ARL6IP5: variants seen among roughly 807,000 people sequenced by gnomAD.
ARL6IP5 encodes PRA1 family protein 3.
Under a neutral mutation model 13.0 loss-of-function variants are expected in ARL6IP5, and 6 were observed. That is an observed-to-expected ratio of 0.46 (90% CI 0.25 to 0.91). The LOEUF is 0.91. ARL6IP5 is among the 40% of genes least tolerant of loss of function. The pLI, the probability that ARL6IP5 is intolerant of heterozygous loss-of-function variation, is 0.17. For synonymous variants in ARL6IP5, 91 were observed against 91.9 expected, an observed-to-expected ratio of 0.99 and a Z score of 0.06; for missense variants, 208 against 248.8, an observed-to-expected ratio of 0.84 and a Z score of 1.10.
chr3:69,089,881 C>T, intron 1 of ARL6IP5: 1 of 456,464 alleles, frequency 2.2e-6, no homozygotes, highest in South Asian at 1.6e-5. Flanking sequence ...CACCATGTGG[C>T]CTGATCATTT....
rs776971786 is a variant in ARL6IP5 at position 69,104,925 on chromosome 3, T to C, written c.*289T>C. ...ATTTCTTTAAGGGAATTAAAAAAAA[T>C]AAAAGAATTACGGCTTTTACAGCAA... On this transcript the variant is annotated 3_prime_UTR_variant, in exon 3 of 3. Transcript: ENST00000273258. 18 of 692,334 alleles carry C rather than the reference T, an allele frequency of 2.6e-5. No individual in the cohort carries two copies. The highest frequency in any genetic ancestry group is 4.2e-5 in the Non-Finnish European group (16 of 382,360). The allele number at this position is 692,334 out of a possible 1,614,324, so 42.9% of individuals were successfully genotyped here. A position where few individuals can be genotyped will look rare whatever the true frequency, so the allele number is the denominator to read the frequency against.
chr3:69,104,800 CAG>C lies in ARL6IP5; in HGVS notation c.*170_*171del, dbSNP rs1179299430. ...CGAACTATTATCAGCTCTGATGTTT[CAG>C]AGAGAAGACCTCAGAAACCGAAAGA... On this transcript the variant is annotated 3_prime_UTR_variant, in exon 3 of 3. Transcript: ENST00000273258. 6.1e-6 allele frequency: 5 copies of C among 819,498 alleles called. No homozygotes were observed. The Admixed American group carries it at 6.2e-5, about 10-fold the overall frequency. The allele number at this position is 819,498 out of a possible 1,614,324, so 50.8% of individuals were successfully genotyped here.
intron 1 of ARL6IP5, among the ~76,000 whole-genome samples, chr3:69,094,274 G>A (rs932206649): frequency 6.6e-6 from 1 of 152,044 alleles, no homozygotes; most frequent in African/African-American, 2.4e-5. Context: ...CCAAATTTTG[G>A]CCTTGGCTTG....
At chr3:69,102,140 T>C in intron 2 of ARL6IP5, 84 bp downstream of exon 2, 7 of 1,438,062 alleles carry the variant, frequency 4.9e-6, no homozygotes, top group East Asian at 2.3e-5. Context: ...CCATTTCTTA[T>C]ATGTGTTGGC....
rs531135478 is a variant in ARL6IP5 at position 69,102,552 on chromosome 3, G to A, written c.394+496G>A. ...TGGGATTACAGGCGTGAGCCACTTC[G>A]CCCAGCTGTGTGCCATACATTCTTA... On this transcript the variant is annotated intron_variant, in intron 2 of 2. Transcript: ENST00000273258. 2.6e-5 allele frequency among the ~76,000 whole-genome samples: 4 copies of A among 152,194 alleles called. No homozygotes were observed. In the South Asian group the frequency reaches 8.3e-4, roughly 32 times the overall value.
intron 1 of ARL6IP5, among the ~76,000 whole-genome samples, chr3:69,096,409 A>G (rs929028910): frequency 1.3e-5 from 2 of 152,068 alleles, no homozygotes; most frequent in East Asian, 3.9e-4. Flanking sequence ...CTTGACATGA[A>G]TTTTGTTATA....
intron 1 of ARL6IP5, among the ~76,000 whole-genome samples, chr3:69,091,979 T>C (rs2107511526): frequency 6.6e-6 from 1 of 152,312 alleles, no homozygotes; most frequent in East Asian, 1.9e-4. Flanking sequence ...ATCACTCAGC[T>C]TCAGAAAACT....
chr3:69,089,468 G>C (rs1575858023), intron 1 of ARL6IP5, among the ~76,000 whole-genome samples: 3 of 152,118 alleles, frequency 2.0e-5, no homozygotes, highest in Admixed American at 2.0e-4. Flanking sequence ...CTGCATCCCT[G>C]ACTCTTACAA....
intron 1 of ARL6IP5, among the ~76,000 whole-genome samples, chr3:69,099,545 T>C (rs1022143885): frequency 2.2e-4 from 34 of 152,342 alleles, no homozygotes; most frequent in Admixed American, 2.0e-3. Context: ...TCAAAATTCC[T>C]TTTATGTTTC....
chr3:69,105,133 T>C lies in ARL6IP5; in HGVS notation c.*497T>C. The C allele has an allele frequency of 6.9e-6, 3 of 433,504 alleles. No individual in the cohort carries two copies. The South Asian group carries it at 9.9e-5, about 14-fold the overall frequency. The allele number at this position is 433,504 out of a possible 1,614,324, so 26.9% of individuals were successfully genotyped here. On this transcript the variant is annotated 3_prime_UTR_variant, in exon 3 of 3. Transcript: ENST00000273258. The stretch of plus-strand genomic sequence containing the variant: ...TCTTAAAAATCAAAGATGATCTCTA[T>C]CACTTTGCCACCTGTTTGATGTGCA...
At chr3:69,095,522 C>T (rs994104871) in intron 1 of ARL6IP5, among the ~76,000 whole-genome samples, 8 of 146,116 alleles carry the variant, frequency 5.5e-5, no homozygotes, top group South Asian at 4.3e-4. Flanking sequence ...TTTTTTGAGA[C>T]GGAGTCTGGC....
intron 1 of ARL6IP5, among the ~76,000 whole-genome samples, chr3:69,087,479 T>TAA (rs770055656): frequency 7.1e-6 from 1 of 141,560 alleles, no homozygotes. Flanking sequence ...GACCAATAAT[T>TAA]AAAAAAAAAA....
chr3:69,087,547 CCTTGCTG>C (rs1424921570), intron 1 of ARL6IP5, among the ~76,000 whole-genome samples: 4 of 152,102 alleles, frequency 2.6e-5, no homozygotes, highest in Admixed American at 2.6e-4. Context: ...GCTCAGACAG[CCTTGCTG>C]CTTTTGATAG....
intron 1 of ARL6IP5, among the ~76,000 whole-genome samples, chr3:69,087,029 A>G (rs2092251008): frequency 6.9e-6 from 1 of 145,972 alleles, no homozygotes. Flanking sequence ...TTTATTATTT[A>G]TTTACTTTTG....
intron 1 of ARL6IP5, among the ~76,000 whole-genome samples, chr3:69,099,138 TG>T (rs869224065): frequency 1.6e-4 from 3 of 18,566 alleles, no homozygotes; most frequent in African/African-American, 1.9e-4. Flanking sequence ...GCGGGGGGGG[TG>T]GGGGGTGGAT....
At chr3:69,100,705 C>T (rs1035881981) in intron 1 of ARL6IP5, among the ~76,000 whole-genome samples, 2 of 151,620 alleles carry the variant, frequency 1.3e-5, no homozygotes, top group Admixed American at 6.6e-5. Flanking sequence ...TGCTTGAACC[C>T]AGGAGGCAGA....
intron 1 of ARL6IP5, 113 bp from the exon 2 acceptor site, chr3:69,101,726 T>TAA (rs545249945): frequency 1.8e-4 from 150 of 842,112 alleles, no homozygotes; most frequent in Middle Eastern, 2.8e-4. Flanking sequence ...ACAATTTAGA[T>TAA]AAAGTATTAA....
rs147395046 is a variant in ARL6IP5, at chr3:69,102,037, C to G, written c.375C>G (p.Gly125=). 3 of 1,614,004 alleles carry G rather than the reference C, an allele frequency of 1.9e-6. No individual in the cohort carries two copies. In the African/African-American group the frequency reaches 4.0e-5, roughly 22 times the overall value. The change falls in exon 2 of 3, where the codon GGC becomes GGG. Residue 125 remains glycine (G), a synonymous_variant. Coordinates refer to ENST00000273258, the MANE Select transcript of ARL6IP5 (RefSeq NM_006407.4). ...GAGGAGTCATGGTCTTTGTGTTTGG[C>G]ATTACTTTTCCTTTGCTGTGTAAGT... ...MFGGVMVFVF[G]ITFPLLLMFI...
chr3:69,098,128 G>A (rs530088340), intron 1 of ARL6IP5, among the ~76,000 whole-genome samples: 1 of 151,290 alleles, frequency 6.6e-6, no homozygotes, highest in East Asian at 1.9e-4. Flanking sequence ...CCAGGCTGGA[G>A]TGCAGTGGCG....
Sources: allele counts gnomAD v4.1 joint callset (sites outside exome capture counted in the v4.1 genomes callset), GRCh38; gene constraint gnomAD v4.1.1; transcripts MANE v1.5; gene names NCBI Gene and HGNC (gene_info 2026-07-23, HGNC 2026-07-21).